The following COL6A1 variants were observed in gnomAD, a reference collection of about 807,000 sequenced individuals.
The protein encoded by COL6A1 is collagen type VI alpha 1 chain, also known as collagen alpha-1(VI) chain.
Under a neutral mutation model 145.6 loss-of-function variants are expected in COL6A1, and 80 were observed. The ratio of observed to expected loss-of-function variants is 0.55; its 90% CI spans 0.46 to 0.66. COL6A1 has a LOEUF of 0.66. Among genes scored for constraint, COL6A1 ranks in the 30% least tolerant of loss-of-function variants. COL6A1 has a pLI of 0.00. For missense variants in COL6A1, 1,364 were observed against 1,473.8 expected, an observed-to-expected ratio of 0.93 and a Z score of 1.22; for synonymous variants, 638 against 622.8, an observed-to-expected ratio of 1.02 and a Z score of -0.36.
intron 30 of COL6A1, 74 bp from the exon 31 acceptor site, chr21:46,001,887 A>G (rs2077847713): frequency 7.3e-7 from 1 of 1,363,350 alleles, no homozygotes; most frequent in East Asian, 2.4e-5. Flanking sequence ...CCCGCAGCCA[A>G]TAGAGTCACC....
At chr21:45,983,896 G>A (rs2077722704) in intron 2 of COL6A1, among the ~76,000 whole-genome samples, 1 of 152,178 alleles carries the variant, frequency 6.6e-6, no homozygotes, top group African/African-American at 2.4e-5. Context: ...CTGGGGCAGA[G>A]CAGACCCCTG....
At chr21:45,989,014 A>G (rs1476939887) in intron 8 of COL6A1, 70 bp from the exon 9 acceptor site, 2 of 1,575,400 alleles carry the variant, frequency 1.3e-6, no homozygotes, top group Non-Finnish European at 8.6e-7. Flanking sequence ...CTTTTTAAAA[A>G]CCTGTTTCGT....
Position 45,989,781 on chromosome 21 carries a change from G to A in COL6A1, c.930+3G>A, listed in dbSNP as rs768534097. 6.8e-6 allele frequency: 11 copies of A among 1,612,866 alleles called. No homozygotes were observed. The South Asian group carries it at 9.9e-5, about 14-fold the overall frequency. On this transcript the variant is annotated splice_donor_region_variant and intron_variant, in intron 11 of 34. Coordinates refer to ENST00000361866, the MANE Select transcript of COL6A1 (RefSeq NM_001848.3). Reference sequence around the variant, plus strand: ...AAAAAGGGAGCCGTGGGGAGAAGGTGAGTGAGGCTCGACCTCGGAGCTGGT... The same window carrying A: ...AAAAAGGGAGCCGTGGGGAGAAGGTAAGTGAGGCTCGACCTCGGAGCTGGT...
At chr21:45,996,233 C>T (rs2077803926) in intron 20 of COL6A1, among the ~76,000 whole-genome samples, 1 of 152,226 alleles carries the variant, frequency 6.6e-6, no homozygotes, top group Admixed American at 6.5e-5. Flanking sequence ...TTCGTGTTCC[C>T]AAGGCAGGAT....
At position 46,003,509 on chromosome 21, in the gene COL6A1, A is replaced by T. The variant is rs151306374; in HGVS notation, c.2583A>T (p.Thr861=). ...AGCGCCTGGCCGAGCGCTTCCTCAC[A>T]GCGGGCAGGACGGACCCCGCCCACG... ...FAKRLAERFL[T]AGRTDPAHDV... The change falls in exon 35 of 35, where the codon ACA becomes ACT. Residue 861 remains threonine, a synonymous_variant. Transcript: ENST00000361866. 1.2e-6 allele frequency: 2 copies of T among 1,611,428 alleles called. No individual in the cohort carries two copies. The highest frequency in any genetic ancestry group is 2.7e-5 in the African/African-American group (2 of 74,906).
Position 45,981,807 on chromosome 21 carries a change from C to T in COL6A1, c.-44C>T, listed in dbSNP as rs1425466502. 1 of 1,470,194 alleles carries T rather than the reference C, an allele frequency of 6.8e-7. No homozygotes were observed. The highest frequency in any genetic ancestry group is 9.2e-7 in the Non-Finnish European group (1 of 1,085,050). 91.1% of individuals were successfully genotyped at this position (1,470,194 alleles called of 1,614,324 possible). On this transcript the variant is annotated 5_prime_UTR_variant, in exon 1 of 35. Coordinates refer to ENST00000361866, the MANE Select transcript of COL6A1 (RefSeq NM_001848.3). ...CGGTCTCTGGGCGGCGGCGGCGGCC[C>T]ACTCTGCCCTGGCCGCGCTGTGTGG...
chr21:45,990,232 C>T (rs373930345), intron 11 of COL6A1, 26 bp from the exon 12 acceptor site: 15 of 1,612,724 alleles, frequency 9.3e-6, no homozygotes, highest in Non-Finnish European at 1.3e-5. Context: ...CAAATACCCC[C>T]TCACACCCGC....
chr21:45,997,949 C>T (rs1050873721), intron 22 of COL6A1, among the ~76,000 whole-genome samples, 172 bp from the exon 23 acceptor site: 20 of 152,276 alleles, frequency 1.3e-4, no homozygotes, highest in African/African-American at 4.6e-4. Flanking sequence ...CCTCCTGCCC[C>T]GAGATCCGGG....
At chr21:46,001,115 T>C (rs2077842077) in intron 29 of COL6A1, 138 bp from the exon 30 acceptor site, 2 of 1,258,388 alleles carry the variant, frequency 1.6e-6, no homozygotes, top group East Asian at 5.0e-5. Flanking sequence ...GGGGTGGGCT[T>C]TTCTGGGGCT....
At chr21:45,999,533 A>C in intron 26 of COL6A1, 124 bp from the exon 27 acceptor site, 3 of 847,150 alleles carry the variant, frequency 3.5e-6, no homozygotes, top group East Asian at 3.7e-5. Context: ...GGGGCTGGGT[A>C]GGGAGGGACC....
In COL6A1 at chr21:45,989,152, G is replaced by C; in HGVS notation, c.858+15G>C. 1 of 1,590,392 alleles carries C rather than the reference G, an allele frequency of 6.3e-7. No individual in the cohort carries two copies. Among genetic ancestry groups the C allele is most frequent in the Non-Finnish European group, 8.5e-7 (1 of 1,170,940 alleles). Reference sequence around the variant, plus strand: ...CCGGAGATCCTGTGAGTGCCTGACTGTGGGGTGGGGGCCCTAAGAAGCTGG... The same window carrying C: ...CCGGAGATCCTGTGAGTGCCTGACTCTGGGGTGGGGGCCCTAAGAAGCTGG... On this transcript the variant is annotated intron_variant, in intron 9 of 34. Transcript: ENST00000361866.
At chr21:45,998,344 A>G (rs2077818600) in intron 23 of COL6A1, 54 bp from the exon 24 acceptor site, 6 of 1,611,100 alleles carry the variant, frequency 3.7e-6, no homozygotes, top group Non-Finnish European at 4.2e-6. Context: ...CGCCCCTCAC[A>G]GCCTCCCCTC....
chr21:46,000,618 G>T, intron 28 of COL6A1, 141 bp from the exon 29 acceptor site: 1 of 1,401,318 alleles, frequency 7.1e-7, no homozygotes, highest in South Asian at 1.2e-5. Context: ...GGGGAGGCGG[G>T]GCAGGAGGCC....
chr21:45,997,181 G>T (rs972773763), intron 20 of COL6A1, among the ~76,000 whole-genome samples: 6 of 129,710 alleles, frequency 4.6e-5, no homozygotes, highest in African/African-American at 1.6e-4. Flanking sequence ...ACCCCTCCGT[G>T]GGGGCCTGAG....
chr21:45,997,518 A>AAG (rs1556428461), intron 21 of COL6A1, 35 bp downstream of exon 21: 1 of 1,575,828 alleles, frequency 6.3e-7, no homozygotes, highest in Non-Finnish European at 8.7e-7. Flanking sequence ...CCGCCCACCC[A>AAG]GGGGGGCCTG....
At chr21:45,985,997 C>G (rs79367854) in intron 3 of COL6A1, among the ~76,000 whole-genome samples, 3 of 152,182 alleles carry the variant, frequency 2.0e-5, no homozygotes, top group Non-Finnish European at 4.4e-5. Flanking sequence ...AGATGCTCAG[C>G]GTCCCCAGCA....
At position 45,984,458 on chromosome 21, in the gene COL6A1, G is replaced by A. The variant is rs760960055; in HGVS notation, c.417G>A (p.Gln139=). Residue 139 remains glutamine, a synonymous_variant, in exon 3 of 35, where the codon CAG becomes CAA. Coordinates refer to ENST00000361866, the MANE Select transcript of COL6A1 (RefSeq NM_001848.3). ...TDCAIKKGLE[Q]LLVGGSHLKE... is the part of the protein sequence containing the mutation. ...GCGCTATCAAGAAGGGGCTGGAGCA[G>A]CTCCTCGTGGGGTGAGTGGCCCCCA... 4.3e-6 allele frequency: 7 copies of A among 1,610,300 alleles called. No homozygotes were observed. The highest frequency in any genetic ancestry group is 5.1e-6 in the Non-Finnish European group (6 of 1,179,890).
At chr21:46,002,099 C>T (rs1274144684) in intron 31 of COL6A1, 29 bp downstream of exon 31, 1 of 1,594,510 alleles carries the variant, frequency 6.3e-7, no homozygotes, top group South Asian at 1.1e-5. Context: ...CAGGACCCTC[C>T]CACCCCTCGC....
rs558079436 is a variant in COL6A1, at chr21:45,998,097, G to GT, written c.1525-23dup. The GT allele has an allele frequency of 2.9e-4, 469 of 1,611,356 alleles. 2 individuals are homozygous for GT. In the African/African-American group the frequency reaches 5.5e-3, roughly 19 times the overall value. ...ATCCCAGGCCAGGCCGATTCGCACG[G>GT]TGACGGCTACTCTGCTCCCCCAGGG... On this transcript the variant is annotated intron_variant, in intron 22 of 34. Coordinates refer to ENST00000361866, the MANE Select transcript of COL6A1 (RefSeq NM_001848.3).
Sources: allele counts gnomAD v4.1 joint callset (sites outside exome capture counted in the v4.1 genomes callset), GRCh38; gene constraint gnomAD v4.1.1; transcripts MANE v1.5; gene names NCBI Gene and HGNC (gene_info 2026-07-23, HGNC 2026-07-21).